GTF2H1: variants seen among roughly 807,000 people sequenced by gnomAD.
GTF2H1 encodes general transcription factor IIH subunit 1.
In GTF2H1, 16 loss-of-function variants were observed where a neutral mutation model predicts 71.2. That is an observed-to-expected ratio of 0.22 (90% CI 0.15 to 0.34). The LOEUF is 0.34. Ranked by LOEUF, GTF2H1 falls within the 10% of genes least tolerant of loss-of-function variation. The pLI is 1.00. For missense variants in GTF2H1, 498 were observed against 648.2 expected (o/e 0.77, Z 2.52); for synonymous variants, 215 against 219.0 (o/e 0.98, Z 0.16).
intron 14 of GTF2H1, among the ~76,000 whole-genome samples, chr11:18,364,037 G>A (rs1027823900): frequency 2.0e-5 from 3 of 151,898 alleles, no homozygotes; most frequent in Admixed American, 1.3e-4. Flanking sequence ...TCGTGCCATT[G>A]CATCTAGCCT....
At chr11:18,327,023 G>A (rs1005113067) in intron 1 of GTF2H1, among the ~76,000 whole-genome samples, 3 of 152,036 alleles carry the variant, frequency 2.0e-5, no homozygotes, top group Non-Finnish European at 4.4e-5. Context: ...TTAGCTGGGC[G>A]TGGTGGCAGA....
chr11:18,333,924 A>G (rs969466127), intron 2 of GTF2H1, among the ~76,000 whole-genome samples: 2 of 152,196 alleles, frequency 1.3e-5, no homozygotes, highest in Non-Finnish European at 2.9e-5. Flanking sequence ...TAGTGAATGT[A>G]GGTGGTGGAA....
At chr11:18,328,871 G>A (rs963541404) in intron 1 of GTF2H1, among the ~76,000 whole-genome samples, 3 of 150,448 alleles carry the variant, frequency 2.0e-5, no homozygotes, top group Non-Finnish European at 3.0e-5. Flanking sequence ...TTTTTTTTCT[G>A]TGTATCTTTT....
At chr11:18,352,219 C>T (rs1865444116) in intron 10 of GTF2H1, 110 bp from the exon 11 acceptor site, 4 of 652,024 alleles carry the variant, frequency 6.1e-6, no homozygotes, top group Non-Finnish European at 1.1e-5. Flanking sequence ...CTTTACTTAT[C>T]GTTTCTTGCC....
intron 11 of GTF2H1, among the ~76,000 whole-genome samples, chr11:18,357,579 G>A (rs1171295269): frequency 1.3e-5 from 2 of 152,076 alleles, no homozygotes; most frequent in Non-Finnish European, 2.9e-5. Flanking sequence ...CAGAAACAAA[G>A]GATACAGGTT....
intron 7 of GTF2H1, among the ~76,000 whole-genome samples, chr11:18,346,385 C>T (rs1381283031): frequency 6.6e-6 from 1 of 152,134 alleles, no homozygotes; most frequent in Non-Finnish European, 1.5e-5. Context: ...TGTCTCCGAT[C>T]TACTTGGCAA....
intron 1 of GTF2H1, among the ~76,000 whole-genome samples, chr11:18,332,227 C>T (rs1163651580): frequency 6.6e-6 from 1 of 152,250 alleles, no homozygotes. Context: ...GGCCATTCCT[C>T]TGGGGATGAA....
intron 9 of GTF2H1, among the ~76,000 whole-genome samples, chr11:18,349,925 A>G (rs970065237): frequency 2.6e-5 from 4 of 152,212 alleles, no homozygotes; most frequent in African/African-American, 9.6e-5. Context: ...TGTATTTTCT[A>G]ATAAAATGTT....
chr11:18,339,549 TG>T lies in GTF2H1; in HGVS notation c.514-12del. ...TGATGCTCTAACGTGTATGTGTGTA[TG>T]GGCTTTGTTTTAGGCTGATGTCCGG... On this transcript the variant is annotated splice_polypyrimidine_tract_variant and intron_variant, in intron 4 of 14. Transcript: ENST00000265963. 1 of 1,584,418 alleles carries T rather than the reference TG, an allele frequency of 6.3e-7. No homozygotes were observed. The highest frequency in any genetic ancestry group is 8.7e-7 in the Non-Finnish European group (1 of 1,153,374).
intron 7 of GTF2H1, among the ~76,000 whole-genome samples, chr11:18,344,305 T>A (rs1865232233): frequency 6.6e-6 from 1 of 152,062 alleles, no homozygotes; most frequent in African/African-American, 2.4e-5. Context: ...CTTTTATAGT[T>A]TATTCTCCCC....
intron 7 of GTF2H1, among the ~76,000 whole-genome samples, chr11:18,345,273 A>T (rs767822817): frequency 2.0e-5 from 3 of 152,152 alleles, no homozygotes; most frequent in Non-Finnish European, 4.4e-5. Context: ...CCACCCACAA[A>T]TTCAGTCACT....
chr11:18,329,454 ATGTC>A (rs1475961112), intron 1 of GTF2H1, among the ~76,000 whole-genome samples: 2 of 152,188 alleles, frequency 1.3e-5, no homozygotes, highest in African/African-American at 2.4e-5. Context: ...CACTTTAACA[ATGTC>A]TGTTCATTCT....
chr11:18,340,308 G>GA (rs925544816), intron 5 of GTF2H1, among the ~76,000 whole-genome samples: 4 of 150,890 alleles, frequency 2.7e-5, no homozygotes, highest in African/African-American at 7.3e-5. Flanking sequence ...TTTTAATTGA[G>GA]ACAGAGTCTT....
chr11:18,357,907 A>G, intron 11 of GTF2H1, 45 bp from the exon 12 acceptor site: 1 of 1,193,842 alleles, frequency 8.4e-7, no homozygotes, highest in Non-Finnish European at 1.2e-6. Flanking sequence ...GGCAAAAAAA[A>G]AAAAGGGAGG....
intron 2 of GTF2H1, among the ~76,000 whole-genome samples, chr11:18,334,997 C>G (rs1864990891): frequency 6.6e-6 from 1 of 151,744 alleles, no homozygotes; most frequent in Non-Finnish European, 1.5e-5. Context: ...AATCTAGGTT[C>G]CTGTAGTTGT....
chr11:18,323,575 C>A (rs916991496), intron 1 of GTF2H1, among the ~76,000 whole-genome samples: 2 of 151,972 alleles, frequency 1.3e-5, no homozygotes, highest in African/African-American at 2.4e-5. Context: ...AAAAAAAAAA[C>A]TGAGTGGTTT....
At chr11:18,360,807 C>CT (rs370660216) in intron 14 of GTF2H1, 100 bp downstream of exon 14, 49,908 of 504,026 alleles carry the variant, frequency 0.099, 17 homozygotes, top group East Asian at 0.13. Flanking sequence ...ACTTAATTTT[C>CT]TTTTTTTTTT....
intron 7 of GTF2H1, among the ~76,000 whole-genome samples, chr11:18,344,667 C>A (rs1377875384): frequency 6.6e-6 from 1 of 151,386 alleles, no homozygotes. Flanking sequence ...TCCTAATAAT[C>A]CCCTATGTGA....
chr11:18,332,894 C>T (rs543202724), intron 1 of GTF2H1, 166 bp from the exon 2 acceptor site: 13 of 487,778 alleles, frequency 2.7e-5, no homozygotes, highest in African/African-American at 1.4e-4. Flanking sequence ...GGAATGATGC[C>T]GTGCAACTTT....
Sources: gnomAD v4.1 joint callset for allele counts (sites outside exome capture counted in the v4.1 genomes callset) on GRCh38, gnomAD v4.1.1 for gene constraint, MANE v1.5 for transcripts, NCBI Gene and HGNC (gene_info 2026-07-23, HGNC 2026-07-21) for gene names.